The following HS6ST3 variants were observed in gnomAD, a reference collection of about 807,000 sequenced individuals.
HS6ST3 encodes the protein heparan-sulfate 6-O-sulfotransferase 3.
HS6ST3 carries 12 observed loss-of-function variants against 36.7 expected under a neutral mutation model. That is an observed-to-expected ratio of 0.33 (90% CI 0.21 to 0.53). The LOEUF (loss-of-function observed/expected upper bound fraction) is 0.53. Among genes scored for constraint, HS6ST3 ranks in the 20% least tolerant of loss-of-function variants. The probability of loss-of-function intolerance (pLI) is 0.95; values close to 1 mark genes in which losing one functional copy is unlikely to be tolerated. For synonymous variants in HS6ST3, 240 were observed against 257.5 expected, an observed-to-expected ratio of 0.93 and a Z score of 0.65; for missense variants, 584 against 640.9, an observed-to-expected ratio of 0.91 and a Z score of 0.96.
In HS6ST3 at chr13:96,214,383, C is replaced by G. The variant is rs117770001; in HGVS notation, c.707+122814C>G. On this transcript the variant is annotated intron_variant, in intron 1 of 1. Transcript: ENST00000376705. ...TCTCATCTCTGACCACTACTTCTCT[C>G]TTGGGGAGTAGCCCTGCCATGGTGG... Among the ~76,000 whole-genome samples the G allele has an allele frequency of 3.3e-4, 50 of 152,278 alleles. 1 individual carries two copies. Among genetic ancestry groups the G allele is most frequent in the Admixed American group, 3.2e-3 (49 of 15,296 alleles).
At chr13:96,418,999 G>A (rs761003428) in intron 1 of HS6ST3, among the ~76,000 whole-genome samples, 1 of 152,210 alleles carries the variant, frequency 6.6e-6, no homozygotes, top group South Asian at 2.1e-4. Flanking sequence ...GAAACGCCCC[G>A]ATAAATGCCT....
chr13:96,574,306 C>A (rs144097363), intron 1 of HS6ST3: 5 of 379,596 alleles, frequency 1.3e-5, no homozygotes, highest in African/African-American at 2.1e-5. Flanking sequence ...TCAAACGTAC[C>A]GCCTCATTTT....
intron 1 of HS6ST3, among the ~76,000 whole-genome samples, chr13:96,441,119 C>A (rs899371337): frequency 1.3e-5 from 2 of 152,116 alleles, no homozygotes; most frequent in East Asian, 3.9e-4. Context: ...GTCTGTAAAC[C>A]AGGAAGAGGG....
At chr13:96,582,011 C>T (rs1467153307) in intron 1 of HS6ST3, among the ~76,000 whole-genome samples, 2 of 152,168 alleles carry the variant, frequency 1.3e-5, no homozygotes, top group Non-Finnish European at 2.9e-5. Flanking sequence ...CTAAAGAGAA[C>T]ATTTTCTATT....
intron 1 of HS6ST3, among the ~76,000 whole-genome samples, chr13:96,229,322 T>G (rs1313944854): frequency 6.6e-6 from 1 of 152,194 alleles, no homozygotes; most frequent in African/African-American, 2.4e-5. Flanking sequence ...AGAATTAGAC[T>G]GGTGCATTAG....
At chr13:96,588,663 A>G (rs529035107) in intron 1 of HS6ST3, among the ~76,000 whole-genome samples, 25 of 152,284 alleles carry the variant, frequency 1.6e-4, no homozygotes, top group South Asian at 4.1e-4. Flanking sequence ...TCTTGCATCT[A>G]TATTCATCAA....
At position 96,503,577 on chromosome 13, in the gene HS6ST3, A is replaced by G. The variant is rs566482772; in HGVS notation, c.708-328913A>G. ...TATTACTGGAGGAACACTGGAAGGT[A>G]TTCCAGCCTAGTGGGATAGGGGTTC... On this transcript the variant is annotated intron_variant, in intron 1 of 1. Transcript: ENST00000376705. Among the ~76,000 whole-genome samples the G allele has an allele frequency of 1.5e-4, 23 of 152,244 alleles. 1 individual carries two copies. The South Asian group carries it at 4.8e-3, about 32-fold the overall frequency.
chr13:96,698,573 G>T (rs1426010185), intron 1 of HS6ST3, among the ~76,000 whole-genome samples: 1 of 152,082 alleles, frequency 6.6e-6, no homozygotes, highest in Non-Finnish European at 1.5e-5. Context: ...ACCTCTTCAA[G>T]GAGAACTGCA....
chr13:96,472,083 A>T (rs1454576508), intron 1 of HS6ST3, among the ~76,000 whole-genome samples: 1 of 152,196 alleles, frequency 6.6e-6, no homozygotes, highest in Non-Finnish European at 1.5e-5. Context: ...CCACCCACAT[A>T]CTATTTAAGG....
chr13:96,762,685 C>A (rs201935092), intron 1 of HS6ST3, among the ~76,000 whole-genome samples: 1 of 152,086 alleles, frequency 6.6e-6, no homozygotes, highest in Non-Finnish European at 1.5e-5. Flanking sequence ...AATTAACAAA[C>A]GGTTGTTCAT....
chr13:96,619,005 G>T lies in HS6ST3; in HGVS notation c.708-213485G>T, dbSNP rs376653750. 2.3e-3 allele frequency among the ~76,000 whole-genome samples: 337 copies of T among 143,898 alleles called. 1 individual carries two copies. Among genetic ancestry groups the T allele is most frequent in the African/African-American group, 8.0e-3 (317 of 39,590 alleles). The allele number at this position is 143,898 out of a possible 152,430, so 94.4% of individuals were successfully genotyped here. On this transcript the variant is annotated intron_variant, in intron 1 of 1. Coordinates refer to ENST00000376705, the MANE Select transcript of HS6ST3 (RefSeq NM_153456.4). ...CAAGCAAAGAATATGGAGGAGTTGG[G>T]TTTTTTTTTTTTTAAGGCAAAAACC...
chr13:96,778,214 A>G (rs946777509), intron 1 of HS6ST3, among the ~76,000 whole-genome samples: 1 of 152,234 alleles, frequency 6.6e-6, no homozygotes, highest in Non-Finnish European at 1.5e-5. Context: ...CTAAAACCAT[A>G]AAAACCCTAG....
At chr13:96,347,637 C>T (rs902550048) in intron 1 of HS6ST3, among the ~76,000 whole-genome samples, 1 of 152,158 alleles carries the variant, frequency 6.6e-6, no homozygotes, top group Non-Finnish European at 1.5e-5. Flanking sequence ...AGATGTTGGG[C>T]AGTGATGCCA....
intron 1 of HS6ST3, among the ~76,000 whole-genome samples, chr13:96,312,504 T>C (rs1396808184): frequency 6.6e-6 from 1 of 152,200 alleles, no homozygotes; most frequent in Non-Finnish European, 1.5e-5. Flanking sequence ...TAGTTTAGTT[T>C]CTGTTATTGT....
rs532436776 is a variant in HS6ST3 at position 96,474,245 on chromosome 13, C to G, written c.708-358245C>G. ...TACTGAGAGTGACAGTTTCTTTAAT[C>G]ACACTGAGTTGTTAGTGATGGCAAC... On this transcript the variant is annotated intron_variant, in intron 1 of 1. Transcript: ENST00000376705. 3.9e-5 allele frequency among the ~76,000 whole-genome samples: 6 copies of G among 152,248 alleles called. No homozygotes were observed. In the East Asian group the frequency reaches 9.7e-4, roughly 25 times the overall value.
chr13:96,115,651 G>C (rs929412888), intron 1 of HS6ST3, among the ~76,000 whole-genome samples: 11 of 152,038 alleles, frequency 7.2e-5, no homozygotes, highest in Non-Finnish European at 1.0e-4. Context: ...TCTATCATTG[G>C]GCATTCGGGT....
chr13:96,583,204 C>CTTTCTTTTTTTT (rs2056348253), intron 1 of HS6ST3, among the ~76,000 whole-genome samples: 1 of 52,922 alleles, frequency 1.9e-5, no homozygotes, highest in Non-Finnish European at 3.1e-5. Context: ...TTTTTCTTTT[C>CTTTCTTTTTTTT]TTTTTTTTTT....
At chr13:96,556,946 A>G (rs1423339154) in intron 1 of HS6ST3, among the ~76,000 whole-genome samples, 3 of 152,188 alleles carry the variant, frequency 2.0e-5, no homozygotes, top group Admixed American at 2.0e-4. Flanking sequence ...CAGCTACAGC[A>G]AAGTGCCGTT....
chr13:96,481,344 C>A (rs1267553823), intron 1 of HS6ST3, among the ~76,000 whole-genome samples: 1 of 152,204 alleles, frequency 6.6e-6, no homozygotes, highest in African/African-American at 2.4e-5. Context: ...CTGTTCCCTG[C>A]TTTTCCTCCT....
Sources: gnomAD v4.1 joint callset for allele counts (sites outside exome capture counted in the v4.1 genomes callset) on GRCh38, gnomAD v4.1.1 for gene constraint, MANE v1.5 for transcripts, NCBI Gene and HGNC (gene_info 2026-07-23, HGNC 2026-07-21) for gene names.